The following SSBP3 variants were observed in gnomAD, a reference collection of about 807,000 sequenced individuals.
The protein encoded by SSBP3 is single-stranded DNA-binding protein 3.
In SSBP3, 5 loss-of-function variants were observed where a neutral mutation model predicts 69.6. That is an observed-to-expected ratio of 0.07 (90% confidence interval 0.04 to 0.15). The LOEUF (loss-of-function observed/expected upper bound fraction) is 0.15. SSBP3 is among the 10% of genes least tolerant of loss of function. SSBP3 has a pLI of 1.00. For synonymous variants in SSBP3, 196 were observed against 193.4 expected (o/e 1.01, Z -0.11); for missense variants, 312 against 534.0 (o/e 0.58, Z 4.10).
intron 4 of SSBP3, among the ~76,000 whole-genome samples, chr1:54,388,777 G>A (rs1648267826): frequency 6.6e-6 from 1 of 152,224 alleles, no homozygotes; most frequent in African/African-American, 2.4e-5. Context: ...CCCTAACAGA[G>A]AAGCCTTGCA....
chr1:54,410,525 C>T (rs779557906), upstream of SSBP3, among the ~76,000 whole-genome samples: 2 of 152,190 alleles, frequency 1.3e-5, no homozygotes, highest in Admixed American at 6.5e-5. Flanking sequence ...GTATGCAGCC[C>T]ACTTCTGCAC....
chr1:54,405,901 CCCG>C, intron 1 of SSBP3, 49 bp downstream of exon 1: 2 of 1,133,264 alleles, frequency 1.8e-6, no homozygotes, highest in Non-Finnish European at 2.3e-6. Flanking sequence ...CCACCGCCCG[CCCG>C]CCCGCAGCCC....
intron 5 of SSBP3, among the ~76,000 whole-genome samples, chr1:54,266,764 G>C (rs1299697911): frequency 6.6e-6 from 1 of 151,734 alleles, no homozygotes. Flanking sequence ...AGGACAAACA[G>C]AATGAGCACT....
chr1:54,279,279 G>A (rs1253199991), intron 5 of SSBP3, among the ~76,000 whole-genome samples: 1 of 152,210 alleles, frequency 6.6e-6, no homozygotes, highest in African/African-American at 2.4e-5. Context: ...GGCTAGTAAT[G>A]GCTAAATAAG....
chr1:54,255,293 T>C (rs1024623655), intron 7 of SSBP3, among the ~76,000 whole-genome samples: 3 of 152,100 alleles, frequency 2.0e-5, no homozygotes, highest in African/African-American at 7.2e-5. Flanking sequence ...CACACCCCTC[T>C]CCATATCCTT....
intron 4 of SSBP3, among the ~76,000 whole-genome samples, chr1:54,358,923 A>G (rs1398531780): frequency 6.6e-6 from 1 of 152,154 alleles, no homozygotes; most frequent in Non-Finnish European, 1.5e-5. Context: ...CCTACCACAG[A>G]GCAAAGCGGA....
intron 7 of SSBP3, among the ~76,000 whole-genome samples, chr1:54,255,158 CGGGGGGGGGG>C (rs34404422): frequency 1.6e-5 from 1 of 63,390 alleles, no homozygotes; most frequent in African/African-American, 5.2e-5. Context: ...TGCGGGGGGG[CGGGGGGGGGG>C]GTGGTTGGCA....
chr1:54,276,126 T>C (rs1557486143), intron 5 of SSBP3, among the ~76,000 whole-genome samples: 1 of 152,182 alleles, frequency 6.6e-6, no homozygotes, highest in Non-Finnish European at 1.5e-5. Context: ...CTCCCTACTA[T>C]CCTTCACCAA....
chr1:54,292,032 C>T (rs1201956352), intron 4 of SSBP3, among the ~76,000 whole-genome samples: 1 of 152,180 alleles, frequency 6.6e-6, no homozygotes, highest in Non-Finnish European at 1.5e-5. Flanking sequence ...TAGGTGGGTG[C>T]TGAGTAGCAA....
chr1:54,344,724 A>C (rs1385974594), intron 4 of SSBP3, among the ~76,000 whole-genome samples: 3 of 152,200 alleles, frequency 2.0e-5, no homozygotes, highest in Non-Finnish European at 2.9e-5. Flanking sequence ...GCAACAGAGA[A>C]CAGGTTCTCA....
chr1:54,276,359 T>A (rs900269115), intron 5 of SSBP3, among the ~76,000 whole-genome samples: 4 of 151,982 alleles, frequency 2.6e-5, no homozygotes, highest in Non-Finnish European at 4.4e-5. Context: ...AGGCCTGTAA[T>A]CCCAGCCTGA....
At chr1:54,293,439 C>T (rs1050030720) in intron 4 of SSBP3, among the ~76,000 whole-genome samples, 1 of 152,312 alleles carries the variant, frequency 6.6e-6, no homozygotes, top group Non-Finnish European at 1.5e-5. Context: ...CTACTCATGC[C>T]ACCCATCGAT....
intron 4 of SSBP3, among the ~76,000 whole-genome samples, chr1:54,290,854 G>A (rs1021197841): frequency 6.6e-6 from 1 of 152,198 alleles, no homozygotes; most frequent in East Asian, 1.9e-4. Context: ...CAACAGCTCG[G>A]TATTTGTACA....
intron 7 of SSBP3, among the ~76,000 whole-genome samples, chr1:54,252,514 G>A (rs575954469): frequency 1.0e-4 from 15 of 150,608 alleles, no homozygotes; most frequent in East Asian, 2.0e-4. Context: ...ACCCAGCCCC[G>A]GGGCGGGACA....
chr1:54,247,056 G>A (rs1465611732), intron 9 of SSBP3, among the ~76,000 whole-genome samples: 5 of 152,238 alleles, frequency 3.3e-5, no homozygotes, highest in Admixed American at 1.3e-4. Context: ...CAGTGCAGCC[G>A]TGGGGCTGGC....
chr1:54,261,620 C>A (rs1422364529), intron 5 of SSBP3, among the ~76,000 whole-genome samples: 1 of 152,174 alleles, frequency 6.6e-6, no homozygotes, highest in Non-Finnish European at 1.5e-5. Flanking sequence ...GAGGCTTCCA[C>A]TTGCTGGAAG....
intron 4 of SSBP3, among the ~76,000 whole-genome samples, chr1:54,298,988 C>G (rs886124825): frequency 7.2e-6 from 1 of 138,084 alleles, no homozygotes; most frequent in Non-Finnish European, 1.6e-5. Flanking sequence ...CCACGCTGAG[C>G]TGAGGATAGG....
intron 4 of SSBP3, among the ~76,000 whole-genome samples, chr1:54,297,724 C>T (rs1645727049): frequency 6.6e-6 from 1 of 152,216 alleles, no homozygotes; most frequent in African/African-American, 2.4e-5. Flanking sequence ...AAAGATGCCA[C>T]ACAAGAGCAC....
chr1:54,324,098 C>A (rs550036378), intron 4 of SSBP3, among the ~76,000 whole-genome samples: 41 of 152,312 alleles, frequency 2.7e-4, no homozygotes, highest in African/African-American at 8.7e-4. Flanking sequence ...GTGTTGCCTG[C>A]GTTCCTGAGG....
Sources: allele counts gnomAD v4.1 joint callset (sites outside exome capture counted in the v4.1 genomes callset), GRCh38; gene constraint gnomAD v4.1.1; transcripts MANE v1.5; gene names NCBI Gene and HGNC (gene_info 2026-07-23, HGNC 2026-07-21).